CDKL3: variants seen among roughly 807,000 people sequenced by gnomAD.
The protein encoded by CDKL3 is cyclin-dependent kinase-like 3.
CDKL3 carries 65 observed loss-of-function variants against 69.3 expected under a neutral mutation model. That is an observed-to-expected ratio of 0.94 (90% CI 0.77 to 1.15). The LOEUF is 1.15. Ranked by LOEUF, CDKL3 falls within the 50% of genes most tolerant of loss-of-function variation. CDKL3 has a pLI of 0.00. For missense variants in CDKL3, 652 were observed against 689.2 expected (o/e 0.95, Z 0.61); for synonymous variants, 202 against 221.6 (o/e 0.91, Z 0.79).
At chr5:134,336,777 T>A (rs1280331680) in intron 4 of CDKL3, among the ~76,000 whole-genome samples, 1 of 152,190 alleles carries the variant, frequency 6.6e-6, no homozygotes, top group African/African-American at 2.4e-5. Context: ...TCAGGCTACA[T>A]GGGGGTCAGG....
At chr5:134,332,016 G>C (rs1200582652) in intron 4 of CDKL3, among the ~76,000 whole-genome samples, 1 of 152,162 alleles carries the variant, frequency 6.6e-6, no homozygotes, top group African/African-American at 2.4e-5. Context: ...GTATCTCATT[G>C]TGGTTTTGAT....
intron 4 of CDKL3, among the ~76,000 whole-genome samples, chr5:134,334,290 T>C (rs1776523729): frequency 6.6e-6 from 1 of 152,204 alleles, no homozygotes; most frequent in African/African-American, 2.4e-5. Flanking sequence ...GAAGGGCTTT[T>C]TGTGTCTCTG....
rs769746159 is a variant in CDKL3, at chr5:134,308,399, C to G, written c.1103G>C (p.Gly368Ala). ...VRVIKVKGGR[G>A]DISEPKKKEY... ...TTTCTTTTTTGGTTCTGAGATATCTCCTCTTCCTCCTTTGACTTTAATAAC... is the reference window on the plus strand; with the variant it reads ...TTTCTTTTTTGGTTCTGAGATATCTGCTCTTCCTCCTTTGACTTTAATAAC... The change falls in exon 9 of 13, where the codon GGA (glycine) becomes GCA (alanine). Residue 368 changes from glycine to alanine, a missense_variant. Gly to Ala is a moderately conservative substitution (Grantham distance 60). Transcript: ENST00000265334. 4.3e-6 allele frequency: 7 copies of G among 1,613,414 alleles called. No individual in the cohort carries two copies. The Admixed American group carries it at 8.3e-5, about 19-fold the overall frequency.
At chr5:134,346,962 C>G (rs1292574485) in intron 4 of CDKL3, among the ~76,000 whole-genome samples, 2 of 152,096 alleles carry the variant, frequency 1.3e-5, no homozygotes, top group African/African-American at 4.8e-5. Flanking sequence ...ACAAATCAAG[C>G]ATTTACCCAG....
Position 134,304,462 on chromosome 5 carries a change from A to G in CDKL3, c.1564T>C (p.Phe522Leu). 6.2e-7 allele frequency: 1 copy of G among 1,613,086 alleles called. No homozygotes were observed. The highest frequency in any genetic ancestry group is 1.3e-5 in the African/African-American group (1 of 75,012). The change falls in exon 11 of 13, where the codon TTC (phenylalanine) becomes CTC (leucine). Residue 522 changes from phenylalanine to leucine, a missense_variant. Phe to Leu is a conservative substitution (Grantham distance 22). Transcript: ENST00000265334. ...LNFSRSDRKE[F>L]HFPELPVTIQ... ...GTGACAGGCAATTCTGGAAAATGGAATTCTTTCCTGTCAGATCTGGAAAAA... is the reference window on the plus strand; with the variant it reads ...GTGACAGGCAATTCTGGAAAATGGAGTTCTTTCCTGTCAGATCTGGAAAAA...
intron 11 of CDKL3, among the ~76,000 whole-genome samples, chr5:134,303,280 T>C (rs1261699068): frequency 2.0e-5 from 3 of 152,082 alleles, no homozygotes; most frequent in Non-Finnish European, 4.4e-5. Context: ...TTTTGCCATA[T>C]TGGCCAGGGT....
chr5:134,295,013 T>A, downstream of CDKL3, among the ~76,000 whole-genome samples: 1 of 99,082 alleles, frequency 1.0e-5, no homozygotes, highest in African/African-American at 5.0e-5. Context: ...TTTTTTTTCT[T>A]TTTTTTTTTT....
At chr5:134,338,538 A>T (rs1322793647) in intron 4 of CDKL3, among the ~76,000 whole-genome samples, 3 of 151,746 alleles carry the variant, frequency 2.0e-5, no homozygotes, top group Non-Finnish European at 4.4e-5. Flanking sequence ...AAAAAAAAAA[A>T]TACAAAAATT....
At chr5:134,345,632 G>A (rs1751669756) in intron 4 of CDKL3, among the ~76,000 whole-genome samples, 1 of 152,208 alleles carries the variant, frequency 6.6e-6, no homozygotes, top group Admixed American at 6.5e-5. Context: ...TACAGTCAAA[G>A]GGGGTTGTTC....
At chr5:134,323,990 C>G (rs183695106) in intron 4 of CDKL3, among the ~76,000 whole-genome samples, 1 of 152,146 alleles carries the variant, frequency 6.6e-6, no homozygotes, top group East Asian at 1.9e-4. Context: ...ACATAAAACT[C>G]TTAAAATTCA....
chr5:134,303,818 C>T (rs1235847229), intron 11 of CDKL3, among the ~76,000 whole-genome samples: 1 of 151,920 alleles, frequency 6.6e-6, no homozygotes, highest in Non-Finnish European at 1.5e-5. Context: ...CACTGCACTC[C>T]AGCCTGGGCA....
chr5:134,293,334 T>G (rs929617427), intron 8 of CDKL3, among the ~76,000 whole-genome samples: 3 of 151,958 alleles, frequency 2.0e-5, no homozygotes, highest in Non-Finnish European at 4.4e-5. Context: ...ACTGCCAATT[T>G]CTAACAAACA....
intron 4 of CDKL3, among the ~76,000 whole-genome samples, chr5:134,329,245 G>A (rs1301985612): frequency 1.3e-5 from 2 of 152,108 alleles, no homozygotes; most frequent in African/African-American, 4.8e-5. Context: ...GGCTGAAGCA[G>A]GAGGATTGAT....
chr5:134,321,556 C>T (rs1772803151), intron 5 of CDKL3, among the ~76,000 whole-genome samples: 1 of 152,136 alleles, frequency 6.6e-6, no homozygotes, highest in African/African-American at 2.4e-5. Flanking sequence ...TTTTTCTTAG[C>T]ATCAACCATC....
intron 10 of CDKL3, among the ~76,000 whole-genome samples, chr5:134,306,381 C>T (rs933845049): frequency 6.6e-6 from 1 of 152,034 alleles, no homozygotes; most frequent in Non-Finnish European, 1.5e-5. Context: ...CCTGAAGTCT[C>T]AGCTACTTGG....
chr5:134,348,745 G>T (rs537005259), intron 4 of CDKL3, among the ~76,000 whole-genome samples: 50 of 152,208 alleles, frequency 3.3e-4, no homozygotes, highest in Non-Finnish European at 6.2e-4. Flanking sequence ...GAGACAGAGA[G>T]ATCTTATGCA....
intron 1 of CDKL3, among the ~76,000 whole-genome samples, 176 bp downstream of exon 1, chr5:134,366,801 A>C (rs1303247464): frequency 6.6e-6 from 1 of 151,442 alleles, no homozygotes; most frequent in Non-Finnish European, 1.5e-5. Flanking sequence ...ATCAACACTG[A>C]GACTACCACA....
intron 4 of CDKL3, among the ~76,000 whole-genome samples, chr5:134,338,796 A>G (rs1406365378): frequency 6.6e-6 from 1 of 152,204 alleles, no homozygotes; most frequent in African/African-American, 2.4e-5. Context: ...GAGGAGCAAG[A>G]AAACAACATG....
intron 4 of CDKL3, among the ~76,000 whole-genome samples, chr5:134,338,271 G>T (rs1312982680): frequency 6.6e-6 from 1 of 151,966 alleles, no homozygotes; most frequent in African/African-American, 2.4e-5. Flanking sequence ...AATGACATAA[G>T]AATAACTTTT....
Sources: gnomAD v4.1 joint callset for allele counts (sites outside exome capture counted in the v4.1 genomes callset) on GRCh38, gnomAD v4.1.1 for gene constraint, MANE v1.5 for transcripts, NCBI Gene and HGNC (gene_info 2026-07-23, HGNC 2026-07-21) for gene names.